The following EPM2A variants were observed in gnomAD, a reference collection of about 807,000 sequenced individuals.
The protein encoded by EPM2A is EPM2A glucan phosphatase, laforin, also known as laforin.
Under a neutral mutation model 26.5 loss-of-function variants are expected in EPM2A, and 21 were observed. The observed-to-expected ratio is 0.79, with a 90% CI of 0.56 to 1.14. EPM2A has a LOEUF of 1.14. Ranked by LOEUF, EPM2A falls within the 50% of genes most tolerant of loss-of-function variation. EPM2A has a pLI of 0.00. For synonymous variants in EPM2A, 217 were observed against 177.6 expected (o/e 1.22, Z -1.76); for missense variants, 458 against 440.8 (o/e 1.04, Z -0.35).
chr6:145,718,539 C>T (rs1243282450), intron 1 of EPM2A, among the ~76,000 whole-genome samples: 1 of 152,184 alleles, frequency 6.6e-6, no homozygotes, highest in Non-Finnish European at 1.5e-5. Context: ...TAGGCATTAC[C>T]ATTCAGGACA....
intron 2 of EPM2A, among the ~76,000 whole-genome samples, chr6:145,681,021 G>A: frequency 6.6e-6 from 1 of 151,958 alleles, no homozygotes; most frequent in African/African-American, 2.4e-5. Context: ...GTGTAAAAGT[G>A]TTCCTATTTC....
intron 2 of EPM2A, among the ~76,000 whole-genome samples, chr6:145,522,843 C>CT (rs34507507): frequency 0.36 from 54,146 of 151,862 alleles, 10,255 homozygotes; most frequent in South Asian, 0.51. Context: ...AAGACACTCT[C>CT]TTTTTTTATA....
chr6:145,454,447 G>A (rs1779235055), intron 4 of EPM2A, among the ~76,000 whole-genome samples: 2 of 152,108 alleles, frequency 1.3e-5, no homozygotes, highest in South Asian at 4.1e-4. Flanking sequence ...GAGGGGTATG[G>A]GAGAGGGGAG....
chr6:145,635,628 C>G, intron 2 of EPM2A, 142 bp from the exon 3 acceptor site: 1 of 779,242 alleles, frequency 1.3e-6, no homozygotes, highest in Non-Finnish European at 2.1e-6. Context: ...AATATGAACA[C>G]CAATGTTATT....
At position 145,677,052 on chromosome 6, in the gene EPM2A, A is replaced by G. The variant is rs565992374; in HGVS notation, c.476+9070T>C. 2.0e-5 allele frequency among the ~76,000 whole-genome samples: 3 copies of G among 152,294 alleles called. No homozygotes were observed. In the South Asian group the frequency reaches 6.2e-4, roughly 32 times the overall value. The stretch of plus-strand genomic sequence containing the variant: ...ATCCTCAGTAAAATACTGGCAAACC[A>G]AATCCAGCAGCACATCAAAAAGCTT... On this transcript the variant is annotated intron_variant, in intron 2 of 3. Transcript: ENST00000367519.
chr6:145,625,869 T>C lies in EPM2A; in HGVS notation c.*1547A>G. ...TCTTGCATCTATCAATATGTGTTTG[T>C]GGAAGAAAGGAAGGTGCAGAAAAAT... On this transcript the variant is annotated 3_prime_UTR_variant, in exon 4 of 4. Transcript: ENST00000367519. 6.7e-7 allele frequency: 1 copy of C among 1,499,996 alleles called. No homozygotes were observed. The highest frequency in any genetic ancestry group is 2.2e-5 in the Admixed American group (1 of 45,212). 92.9% of individuals were successfully genotyped at this position (1,499,996 alleles called of 1,614,324 possible). A position where few individuals can be genotyped will look rare whatever the true frequency, so the allele number is the denominator to read the frequency against.
chr6:145,592,499 G>C (rs1340350249), intron 2 of EPM2A, among the ~76,000 whole-genome samples: 1 of 152,136 alleles, frequency 6.6e-6, no homozygotes, highest in South Asian at 2.1e-4. Context: ...ATAGCAGCAT[G>C]ATTTATAATC....
At chr6:145,438,623 G>A (rs569949940) in intron 4 of EPM2A, among the ~76,000 whole-genome samples, 35 of 151,776 alleles carry the variant, frequency 2.3e-4, no homozygotes, top group African/African-American at 8.0e-4. Flanking sequence ...ACAGGCACAC[G>A]CCACCACACC....
At chr6:145,474,015 G>A (rs575230182) in intron 4 of EPM2A, among the ~76,000 whole-genome samples, 4 of 152,136 alleles carry the variant, frequency 2.6e-5, no homozygotes, top group Admixed American at 6.6e-5. Context: ...GAAAAACAGA[G>A]AATATTATAA....
chr6:145,385,808 C>T (rs1024733276), intron 4 of EPM2A, among the ~76,000 whole-genome samples: 6 of 151,994 alleles, frequency 3.9e-5, no homozygotes, highest in Non-Finnish European at 5.9e-5. Context: ...AATCTGTCTC[C>T]TTCTTTTTTC....
At chr6:145,695,481 C>T (rs1186035756) in intron 1 of EPM2A, among the ~76,000 whole-genome samples, 2 of 151,172 alleles carry the variant, frequency 1.3e-5, no homozygotes, top group Non-Finnish European at 2.9e-5. Context: ...TTGAATTCTC[C>T]AATCAAAAGA....
At chr6:145,731,412 C>T (rs778725647) in intron 1 of EPM2A, among the ~76,000 whole-genome samples, 49 of 152,130 alleles carry the variant, frequency 3.2e-4, no homozygotes, top group Non-Finnish European at 4.4e-5. Flanking sequence ...ATAAAAAAGC[C>T]ATCCTGAAAA....
intron 2 of EPM2A, among the ~76,000 whole-genome samples, chr6:145,581,322 CTTT>C (rs892310484): frequency 8.3e-4 from 126 of 151,952 alleles, no homozygotes; most frequent in Admixed American, 2.3e-3. Context: ...CCTTTTATGT[CTTT>C]TGTCTGTTTT....
At position 145,676,312 on chromosome 6, in the gene EPM2A, C is replaced by T. The variant is rs183003394; in HGVS notation, c.476+9810G>A. On this transcript the variant is annotated intron_variant, in intron 2 of 3. Transcript: ENST00000367519. ...GGAAATTTATAGCACTAAATGCCCACAAGAGAAAGCAGAAAGATATAAAAT... is the reference window on the plus strand; with the variant it reads ...GGAAATTTATAGCACTAAATGCCCATAAGAGAAAGCAGAAAGATATAAAAT... Among the ~76,000 whole-genome samples, 60 of 152,166 alleles carry T rather than the reference C, an allele frequency of 3.9e-4. 1 individual carries two copies. In the East Asian group the frequency reaches 0.011, roughly 29 times the overall value.
At chr6:145,464,847 G>T (rs1237771620) in intron 4 of EPM2A, among the ~76,000 whole-genome samples, 3 of 152,134 alleles carry the variant, frequency 2.0e-5, no homozygotes, top group Non-Finnish European at 4.4e-5. Context: ...TAAATCTGCT[G>T]TAAGTCTGAT....
At chr6:145,523,699 G>T (rs1780233541) in intron 2 of EPM2A, among the ~76,000 whole-genome samples, 2 of 151,952 alleles carry the variant, frequency 1.3e-5, no homozygotes, top group African/African-American at 4.8e-5. Context: ...TTGAAATTAG[G>T]CCAAGTAATA....
intron 4 of EPM2A, among the ~76,000 whole-genome samples, chr6:145,464,287 T>C (rs1779360003): frequency 1.3e-5 from 2 of 152,120 alleles, no homozygotes; most frequent in Non-Finnish European, 2.9e-5. Flanking sequence ...GATTGTAAGT[T>C]TTCTGAGGCC....
chr6:145,589,517 C>A (rs1042414794), intron 2 of EPM2A, among the ~76,000 whole-genome samples: 1 of 151,718 alleles, frequency 6.6e-6, no homozygotes, highest in African/African-American at 2.4e-5. Context: ...CTTTCCAATG[C>A]CTCTGTAAAT....
At chr6:145,467,428 T>C (rs956448216) in intron 4 of EPM2A, among the ~76,000 whole-genome samples, 1 of 152,156 alleles carries the variant, frequency 6.6e-6, no homozygotes, top group East Asian at 1.9e-4. Flanking sequence ...TCTGATCTTA[T>C]ACTCTTTTTC....
Sources: allele counts gnomAD v4.1 joint callset (sites outside exome capture counted in the v4.1 genomes callset), GRCh38; gene constraint gnomAD v4.1.1; transcripts MANE v1.5; gene names NCBI Gene and HGNC (gene_info 2026-07-23, HGNC 2026-07-21).